Variants in NFIB observed in about 807,000 individuals in gnomAD.
NFIB encodes the protein nuclear factor I B, also known as nuclear factor 1 B-type.
A neutral mutation model predicts 61.5 loss-of-function variants in NFIB; 11 were observed. The observed-to-expected ratio is 0.18, with a 90% CI of 0.11 to 0.30. The LOEUF is 0.30. Among genes scored for constraint, NFIB ranks in the 10% least tolerant of loss-of-function variants. The probability of loss-of-function intolerance (pLI) is 1.00; values close to 1 mark genes in which losing one functional copy is unlikely to be tolerated. For synonymous variants in NFIB, 260 were observed against 216.5 expected, an observed-to-expected ratio of 1.20 and a Z score of -1.76; for missense variants, 471 against 608.9, an observed-to-expected ratio of 0.77 and a Z score of 2.38.
At chr9:14,327,075 GT>G (rs1293423679) in intron 1 of NFIB, among the ~76,000 whole-genome samples, 10 of 150,692 alleles carry the variant, frequency 6.6e-5, no homozygotes, top group Non-Finnish European at 1.3e-4. Flanking sequence ...CCATATTAAG[GT>G]TTCTGAAACA....
the NFIB span, among the ~76,000 whole-genome samples, chr9:14,459,270 G>C: frequency 3.9e-5 from 6 of 152,160 alleles, no homozygotes; most frequent in Non-Finnish European, 7.3e-5. Flanking sequence ...ATGGGGAAAG[G>C]ATTCTCTATT....
At chr9:14,190,917 G>C (rs2047878698) in intron 2 of NFIB, among the ~76,000 whole-genome samples, 1 of 152,184 alleles carries the variant, frequency 6.6e-6, no homozygotes, top group Non-Finnish European at 1.5e-5. Flanking sequence ...TCCTGGCCAG[G>C]CACGGTGGCA....
intron 2 of NFIB, among the ~76,000 whole-genome samples, chr9:14,301,819 C>G (rs921886539): frequency 6.6e-6 from 1 of 152,132 alleles, no homozygotes. Context: ...TGCTAAGTAT[C>G]TTATCTCACA....
intron 2 of NFIB, among the ~76,000 whole-genome samples, chr9:14,183,720 T>C (rs1400533091): frequency 5.3e-5 from 8 of 151,984 alleles, no homozygotes; most frequent in Admixed American, 5.2e-4. Flanking sequence ...TCTGGAAAGA[T>C]TTTGATGCAG....
At chr9:14,255,366 A>T (rs1246173346) in intron 2 of NFIB, among the ~76,000 whole-genome samples, 1 of 152,248 alleles carries the variant, frequency 6.6e-6, no homozygotes, top group African/African-American at 2.4e-5. Flanking sequence ...ACATTTCCTT[A>T]ATGTAAGATC....
the NFIB span, among the ~76,000 whole-genome samples, chr9:14,463,044 A>G: frequency 1.3e-5 from 2 of 152,314 alleles, no homozygotes; most frequent in South Asian, 2.1e-4. Context: ...CTTGTCCATA[A>G]TAAGTTCAAT....
intron 5 of NFIB, among the ~76,000 whole-genome samples, chr9:14,148,878 T>C (rs1163112869): frequency 6.6e-6 from 1 of 152,228 alleles, no homozygotes; most frequent in East Asian, 1.9e-4. Flanking sequence ...TTTAACTCTC[T>C]TTTAAACATA....
intron 3 of NFIB, among the ~76,000 whole-genome samples, chr9:14,175,330 T>C (rs12552956): frequency 0.7 from 105,979 of 151,514 alleles, 42,439 homozygotes; most frequent in South Asian, 0.93. Context: ...CCCGCCACCA[T>C]GCCCGGCTAA....
chr9:14,347,862 T>C (rs904425050), intron 1 of NFIB, among the ~76,000 whole-genome samples: 14 of 152,076 alleles, frequency 9.2e-5, no homozygotes, highest in African/African-American at 3.4e-4. Flanking sequence ...AGGGTCCCAG[T>C]ATCCCGCCGC....
chr9:14,524,807 A>G, the NFIB span, among the ~76,000 whole-genome samples: 1 of 152,180 alleles, frequency 6.6e-6, no homozygotes, highest in Non-Finnish European at 1.5e-5. Context: ...ACACTCCAGA[A>G]CACCGGCAAA....
At chr9:14,276,258 G>GAAC (rs2057991094) in intron 2 of NFIB, among the ~76,000 whole-genome samples, 1 of 152,138 alleles carries the variant, frequency 6.6e-6, no homozygotes, top group Non-Finnish European at 1.5e-5. Context: ...ATCTGTTGGG[G>GAAC]TAGTTGCTTC....
chr9:14,232,705 T>A (rs1327489917), intron 2 of NFIB, among the ~76,000 whole-genome samples: 1 of 152,234 alleles, frequency 6.6e-6, no homozygotes, highest in Non-Finnish European at 1.5e-5. Context: ...ATGAGAAATT[T>A]AAGGAGCAGA....
At chr9:14,202,691 T>C (rs1242549758) in intron 2 of NFIB, among the ~76,000 whole-genome samples, 4 of 152,174 alleles carry the variant, frequency 2.6e-5, no homozygotes, top group Non-Finnish European at 2.9e-5. Context: ...CCCATATGTG[T>C]AGTATTTTAT....
At chr9:14,499,653 G>A in the NFIB span, among the ~76,000 whole-genome samples, 2 of 152,176 alleles carry the variant, frequency 1.3e-5, no homozygotes, top group African/African-American at 4.8e-5. Context: ...TTGTGAAGGG[G>A]AATTGACGGG....
At chr9:14,475,414 G>A in the NFIB span, among the ~76,000 whole-genome samples, 42 of 152,328 alleles carry the variant, frequency 2.8e-4, no homozygotes, top group African/African-American at 9.9e-4. Flanking sequence ...CTTAGTAAGT[G>A]AGGAGAGCCT....
chr9:14,427,937 G>GTTGTTT, the NFIB span, among the ~76,000 whole-genome samples: 1 of 43,384 alleles, frequency 2.3e-5, no homozygotes, highest in Admixed American at 3.5e-4. Flanking sequence ...TAATTCAGTT[G>GTTGTTT]TTTTTTTTTT....
At chr9:14,122,772 C>A (rs1250707439) in intron 7 of NFIB, among the ~76,000 whole-genome samples, 1 of 152,042 alleles carries the variant, frequency 6.6e-6, no homozygotes, top group Non-Finnish European at 1.5e-5. Context: ...CTTAATAGTT[C>A]TGGAGGAGAT....
At chr9:14,414,516 T>C in the NFIB span, among the ~76,000 whole-genome samples, 1 of 149,768 alleles carries the variant, frequency 6.7e-6, no homozygotes, top group African/African-American at 2.4e-5. Context: ...TTTGTATTTT[T>C]TTTTTTTTTT....
intron 2 of NFIB, among the ~76,000 whole-genome samples, chr9:14,211,636 TGGTGACCAG>T (rs1005133288): frequency 1.3e-5 from 2 of 152,220 alleles, no homozygotes; most frequent in Non-Finnish European, 2.9e-5. Flanking sequence ...TCAAAGGAGT[TGGTGACCAG>T]GGCAATGGCC....
Sources: gnomAD v4.1 joint callset for allele counts (sites outside exome capture counted in the v4.1 genomes callset) on GRCh38, gnomAD v4.1.1 for gene constraint, MANE v1.5 for transcripts, NCBI Gene and HGNC (gene_info 2026-07-23, HGNC 2026-07-21) for gene names.